LRP1B: variants seen among roughly 807,000 people sequenced by gnomAD.
LRP1B encodes LDL receptor related protein 1B.
In LRP1B, 217 loss-of-function variants were observed where a neutral mutation model predicts 556.6. The observed-to-expected ratio is 0.39, with a 90% CI of 0.35 to 0.44. The LOEUF (loss-of-function observed/expected upper bound fraction) is 0.44. Among genes scored for constraint, LRP1B ranks in the 20% least tolerant of loss-of-function variants. The pLI is 1.00. For missense variants in LRP1B, 5,053 were observed against 5,620.8 expected, an observed-to-expected ratio of 0.90 and a Z score of 3.23; for synonymous variants, 2,047 against 1,865.8, an observed-to-expected ratio of 1.10 and a Z score of -2.50.
At chr2:141,845,136 A>T (rs1301743132) in intron 1 of LRP1B, among the ~76,000 whole-genome samples, 1 of 151,806 alleles carries the variant, frequency 6.6e-6, no homozygotes, top group African/African-American at 2.4e-5. Context: ...GGAAAAAAAA[A>T]ATTCACTAAC....
At chr2:141,790,000 T>C (rs575670888) in intron 2 of LRP1B, among the ~76,000 whole-genome samples, 6 of 151,876 alleles carry the variant, frequency 4.0e-5, no homozygotes, top group Non-Finnish European at 8.8e-5. Flanking sequence ...CATTAGAGGA[T>C]TCAAGTTAGG....
At chr2:141,892,395 A>C (rs1699317821) in intron 1 of LRP1B, among the ~76,000 whole-genome samples, 1 of 152,016 alleles carries the variant, frequency 6.6e-6, no homozygotes, top group African/African-American at 2.4e-5. Context: ...ATTAAGTGGA[A>C]ATTTTTTTAA....
At chr2:142,066,116 A>G (rs1293413666) in intron 1 of LRP1B, among the ~76,000 whole-genome samples, 1 of 151,638 alleles carries the variant, frequency 6.6e-6, no homozygotes, top group Non-Finnish European at 1.5e-5. Flanking sequence ...TTTTTGTATG[A>G]CTGAGTATTC....
At chr2:140,767,366 AG>A (rs1689155850) in intron 35 of LRP1B, among the ~76,000 whole-genome samples, 1 of 152,098 alleles carries the variant, frequency 6.6e-6, no homozygotes, top group South Asian at 2.1e-4. Flanking sequence ...TAACTAAAAC[AG>A]GTAACTTCTC....
At chr2:141,913,106 T>A (rs902361555) in intron 1 of LRP1B, among the ~76,000 whole-genome samples, 1 of 152,206 alleles carries the variant, frequency 6.6e-6, no homozygotes, top group Non-Finnish European at 1.5e-5. Context: ...ACTTTCAGTT[T>A]TGAAGGATGA....
At chr2:141,824,798 G>C (rs1019845021) in intron 1 of LRP1B, among the ~76,000 whole-genome samples, 1 of 152,132 alleles carries the variant, frequency 6.6e-6, no homozygotes, top group African/African-American at 2.4e-5. Flanking sequence ...GTGAGTTTCA[G>C]CTCTACAAAG....
At chr2:140,345,035 G>A (rs1347232310) in intron 77 of LRP1B, among the ~76,000 whole-genome samples, 1 of 151,712 alleles carries the variant, frequency 6.6e-6, no homozygotes, top group Non-Finnish European at 1.5e-5. Context: ...TGGAGATGCT[G>A]ACATTGTGGT....
intron 3 of LRP1B, among the ~76,000 whole-genome samples, chr2:141,403,746 G>A (rs910758788): frequency 2.6e-5 from 4 of 152,018 alleles, no homozygotes; most frequent in African/African-American, 4.8e-5. Flanking sequence ...AGTATGAAAC[G>A]CTCAAGTACA....
intron 7 of LRP1B, among the ~76,000 whole-genome samples, chr2:141,127,774 TA>T (rs11330078): frequency 0.47 from 71,292 of 151,822 alleles, 17,839 homozygotes; most frequent in Non-Finnish European, 0.57. Context: ...TAAACTGGTT[TA>T]AAAAAAATCA....
chr2:140,671,302 T>C (rs554454925), intron 41 of LRP1B, among the ~76,000 whole-genome samples: 38 of 152,162 alleles, frequency 2.5e-4, no homozygotes, highest in Admixed American at 9.8e-4. Flanking sequence ...GGGCGGATCA[T>C]GAGGTCAGGA....
intron 35 of LRP1B, among the ~76,000 whole-genome samples, chr2:140,760,226 A>C (rs1688867785): frequency 6.6e-6 from 1 of 152,202 alleles, no homozygotes; most frequent in African/African-American, 2.4e-5. Context: ...AAATAATCTT[A>C]GATTTTGCCC....
chr2:140,274,267 G>C (rs1163027223), intron 85 of LRP1B, among the ~76,000 whole-genome samples, 157 bp downstream of exon 85: 9 of 151,950 alleles, frequency 5.9e-5, no homozygotes, highest in Non-Finnish European at 2.9e-5. Context: ...TCAAATTAAA[G>C]TGAACTAGAC....
intron 67 of LRP1B, among the ~76,000 whole-genome samples, chr2:140,380,381 A>T (rs1364195173): frequency 2.0e-5 from 3 of 152,180 alleles, no homozygotes; most frequent in Non-Finnish European, 2.9e-5. Flanking sequence ...CATGGCTAGC[A>T]ATATCTATTT....
At chr2:141,794,996 G>A (rs1166040602) in intron 2 of LRP1B, among the ~76,000 whole-genome samples, 1 of 152,060 alleles carries the variant, frequency 6.6e-6, no homozygotes, top group African/African-American at 2.4e-5. Flanking sequence ...AAATAATGGA[G>A]TTGTAAAAGT....
At chr2:142,050,183 G>A (rs893960337) in intron 1 of LRP1B, among the ~76,000 whole-genome samples, 1 of 152,092 alleles carries the variant, frequency 6.6e-6, no homozygotes, top group Non-Finnish European at 1.5e-5. Context: ...CACACACAGA[G>A]AGAAATTTCA....
chr2:141,292,171 G>A (rs556070480), intron 3 of LRP1B, among the ~76,000 whole-genome samples: 5 of 152,228 alleles, frequency 3.3e-5, no homozygotes, highest in East Asian at 3.9e-4. Flanking sequence ...TAGGTTGTGC[G>A]CTCCTTATGA....
chr2:141,206,767 G>C (rs1558932436), intron 6 of LRP1B, among the ~76,000 whole-genome samples: 1 of 152,022 alleles, frequency 6.6e-6, no homozygotes, highest in Non-Finnish European at 1.5e-5. Flanking sequence ...GCTAATCAAA[G>C]TGCATTCAGA....
chr2:141,293,706 G>GA (rs1351163295), intron 3 of LRP1B, among the ~76,000 whole-genome samples: 8 of 149,096 alleles, frequency 5.4e-5, no homozygotes, highest in African/African-American at 2.0e-4. Context: ...TCCAAACCCA[G>GA]AATACATTTA....
At chr2:141,555,935 GGTTTTGTTTTGTTTT>G (rs750771108) in intron 2 of LRP1B, among the ~76,000 whole-genome samples, 1 of 151,540 alleles carries the variant, frequency 6.6e-6, no homozygotes, top group South Asian at 2.1e-4. Flanking sequence ...ATTTCTGCAG[GGTTTTGTTTTGTTTT>G]GTTTTGTTTT....
Sources: gnomAD v4.1 joint callset for allele counts (sites outside exome capture counted in the v4.1 genomes callset) on GRCh38, gnomAD v4.1.1 for gene constraint, MANE v1.5 for transcripts, NCBI Gene and HGNC (gene_info 2026-07-23, HGNC 2026-07-21) for gene names.